The following TNKS2 variants were observed in gnomAD, a reference collection of about 807,000 sequenced individuals.
TNKS2 encodes tankyrase 2, also known as poly [ADP-ribose] polymerase tankyrase-2.
In TNKS2, 72 loss-of-function variants were observed where a neutral mutation model predicts 137.6. That is an observed-to-expected ratio of 0.52 (90% CI 0.43 to 0.64). TNKS2 has a LOEUF of 0.64. Ranked by LOEUF, TNKS2 falls within the 30% of genes least tolerant of loss-of-function variation. The probability of loss-of-function intolerance (pLI) is 0.00; values close to 1 mark genes in which losing one functional copy is unlikely to be tolerated. For synonymous variants in TNKS2, 516 were observed against 512.1 expected (o/e 1.01, Z -0.10); for missense variants, 1,049 against 1,410.2 (o/e 0.74, Z 4.10).
intron 15 of TNKS2, 113 bp from the exon 16 acceptor site, chr10:91,842,059 G>C: frequency 1.7e-6 from 1 of 597,042 alleles, no homozygotes; most frequent in Non-Finnish European, 2.9e-6. Context: ...TCAAAGTAGA[G>C]TCTCAATATA....
In TNKS2 at chr10:91,848,396, G is replaced by C. The variant is rs769171828; in HGVS notation, c.2372G>C (p.Ser791Thr). Residue 791 changes from serine to threonine, a missense_variant, in exon 19 of 27, where the codon AGC becomes ACC. Ser to Thr is a moderately conservative substitution (Grantham distance 58). This residue lies in a region of TNKS2 where 208 missense variants were observed against 231.2 expected (regional missense o/e 0.90). Coordinates refer to ENST00000371627, the MANE Select transcript of TNKS2 (RefSeq NM_025235.4). ...PLDLVSADDV[S>T]ALLTAAMPPS... ...CACGTACCCTAGGCGGATGATGTCA[G>C]CGCTCTTCTGACAGCAGCCATGCCC... 1 of 1,614,172 alleles carries C rather than the reference G, an allele frequency of 6.2e-7. No individual in the cohort carries two copies. Among genetic ancestry groups the C allele is most frequent in the Non-Finnish European group, 8.5e-7 (1 of 1,180,028 alleles).
At chr10:91,815,400 A>G (rs1042847076) in intron 2 of TNKS2, among the ~76,000 whole-genome samples, 40 of 152,294 alleles carry the variant, frequency 2.6e-4, no homozygotes, top group African/African-American at 9.6e-4. Flanking sequence ...CTACATTCAA[A>G]TACATCATTT....
Position 91,833,729 on chromosome 10 carries a change from G to T in TNKS2, c.1276-124G>T, listed in dbSNP as rs553399522. The T allele has an allele frequency of 1.9e-5, 13 of 682,740 alleles. No individual in the cohort carries two copies. In the Admixed American group the frequency reaches 3.4e-4, roughly 18 times the overall value. 42.3% of individuals were successfully genotyped at this position (682,740 alleles called of 1,614,324 possible). On this transcript the variant is annotated intron_variant, in intron 11 of 26. Coordinates refer to ENST00000371627, the MANE Select transcript of TNKS2 (RefSeq NM_025235.4). ...GATTTGAGCAAAAATACTTGCTTTGGCATTGGATAATAGGCCTCATAAAAG... is the reference window on the plus strand; with the variant it reads ...GATTTGAGCAAAAATACTTGCTTTGTCATTGGATAATAGGCCTCATAAAAG...
At chr10:91,809,615 G>A (rs753090082) in intron 1 of TNKS2, among the ~76,000 whole-genome samples, 3 of 150,676 alleles carry the variant, frequency 2.0e-5, no homozygotes, top group Admixed American at 1.3e-4. Context: ...GCAGTGAGCC[G>A]AGATTGCGCC....
chr10:91,825,043 C>G (rs1845022361), intron 7 of TNKS2, among the ~76,000 whole-genome samples: 1 of 152,022 alleles, frequency 6.6e-6, no homozygotes, highest in Non-Finnish European at 1.5e-5. Flanking sequence ...CCAAACCACA[C>G]TGGAATCTGT....
At chr10:91,842,831 G>A (rs181162184) in intron 16 of TNKS2, among the ~76,000 whole-genome samples, 1 of 152,274 alleles carries the variant, frequency 6.6e-6, no homozygotes, top group Admixed American at 6.5e-5. Flanking sequence ...ATACTCTTCA[G>A]TGTATTTGTA....
At chr10:91,836,034 A>ATTTTT (rs777452772) in intron 12 of TNKS2, among the ~76,000 whole-genome samples, 3 of 53,524 alleles carry the variant, frequency 5.6e-5, no homozygotes, top group African/African-American at 2.3e-4. Flanking sequence ...TGTGTGTGTA[A>ATTTTT]TTTTTTTTTT....
intron 11 of TNKS2, among the ~76,000 whole-genome samples, chr10:91,832,346 A>T (rs558917237): frequency 6.6e-6 from 1 of 152,254 alleles, no homozygotes; most frequent in African/African-American, 2.4e-5. Flanking sequence ...GTGACCAACC[A>T]TTCAGTTTTG....
rs891154401 is a variant in TNKS2 at position 91,838,521 on chromosome 10, A to G, written c.1527+1523A>G. On this transcript the variant is annotated intron_variant, in intron 13 of 26. Coordinates refer to ENST00000371627, the MANE Select transcript of TNKS2 (RefSeq NM_025235.4). Reference sequence around the variant, plus strand: ...TTCGACACATGCTATTAGAAAACCTATCTCAGAGTGGACAAAATTAAACTG... The same window carrying G: ...TTCGACACATGCTATTAGAAAACCTGTCTCAGAGTGGACAAAATTAAACTG... Among the ~76,000 whole-genome samples the G allele has an allele frequency of 7.2e-5, 11 of 152,226 alleles. No individual in the cohort carries two copies. In the East Asian group the frequency reaches 1.7e-3, roughly 24 times the overall value.
intron 2 of TNKS2, among the ~76,000 whole-genome samples, chr10:91,814,438 AAG>A (rs1589651202): frequency 6.6e-6 from 1 of 152,232 alleles, no homozygotes; most frequent in Non-Finnish European, 1.5e-5. Context: ...TTATTGAAGA[AAG>A]AAAAATATTT....
At chr10:91,817,030 C>T in intron 2 of TNKS2, 104 bp from the exon 3 acceptor site, 1 of 690,478 alleles carries the variant, frequency 1.4e-6, no homozygotes, top group South Asian at 2.0e-5. Flanking sequence ...GGTCTTTAAA[C>T]AACTTTGAGA....
chr10:91,810,121 G>A (rs1844449603), intron 1 of TNKS2, among the ~76,000 whole-genome samples: 1 of 152,118 alleles, frequency 6.6e-6, no homozygotes, highest in Non-Finnish European at 1.5e-5. Context: ...GGTGGCTTGT[G>A]CCTGTAATCC....
rs148916928 is a variant in TNKS2, at chr10:91,803,266, A to G, written c.199+4377A>G. Among the ~76,000 whole-genome samples the G allele has an allele frequency of 1.8e-3, 273 of 152,242 alleles. 1 individual carries two copies. Among genetic ancestry groups the G allele is most frequent in the African/African-American group, 6.4e-3 (265 of 41,548 alleles). On this transcript the variant is annotated intron_variant, in intron 1 of 26. Transcript: ENST00000371627. ...CAGTGCCACAGGCTATAATCCCAGC[A>G]CTCTGGGAGGCAAAGGCAGGAGTAT...
chr10:91,810,920 C>CTTTTTTTTTTTTGTTTTTTTTTTTTTTTT (rs1844479942), intron 1 of TNKS2, among the ~76,000 whole-genome samples: 1 of 50,124 alleles, frequency 2.0e-5, no homozygotes, highest in Non-Finnish European at 3.2e-5. Context: ...CTTTTCTTTT[C>CTTTTTTTTTTTTGTTTTTTTTTTTTTTTT]TTTTTTTTTT....
chr10:91,849,355 A>G (rs1842474382), intron 19 of TNKS2, among the ~76,000 whole-genome samples, 157 bp from the exon 20 acceptor site: 1 of 152,174 alleles, frequency 6.6e-6, no homozygotes, highest in South Asian at 2.1e-4. Context: ...CTAATGTTGA[A>G]ATTTTGTAGC....
chr10:91,827,503 T>G (rs547826543), intron 8 of TNKS2, among the ~76,000 whole-genome samples: 2 of 152,348 alleles, frequency 1.3e-5, no homozygotes, highest in African/African-American at 2.4e-5. Flanking sequence ...ATCTTTGATA[T>G]GATTTTTCTG....
rs1327155040 is a variant in TNKS2, at chr10:91,837,013, T to TA, written c.1527+16dup. The TA allele has an allele frequency of 3.7e-6, 6 of 1,609,470 alleles. No homozygotes were observed. The African/African-American group carries it at 5.4e-5, about 14-fold the overall frequency. On this transcript the variant is annotated intron_variant, in intron 13 of 26. Coordinates refer to ENST00000371627, the MANE Select transcript of TNKS2 (RefSeq NM_025235.4). ...AAACTGTAAAAGTAAGATACAGTGT[T>TA]ACGTTTCTGTTAACTTTGGGTTTTT...
chr10:91,807,064 C>T (rs1844345128), intron 1 of TNKS2: 8 of 1,322,882 alleles, frequency 6.0e-6, no homozygotes, highest in African/African-American at 1.5e-5. Context: ...AAAATGACCT[C>T]TAAGCTTCTG....
chr10:91,855,698 T>G lies in TNKS2; in HGVS notation c.2988+10T>G. 1.2e-6 allele frequency: 2 copies of G among 1,600,956 alleles called. No homozygotes were observed. The highest frequency in any genetic ancestry group is 1.7e-6 in the Non-Finnish European group (2 of 1,171,246). On this transcript the variant is annotated intron_variant, in intron 23 of 26. Transcript: ENST00000371627. ...ATACAATATTCTCAAGGTAATAAAT[T>G]AGTGAAAGTAAAGTTTTCTGAGACT...
Sources: gnomAD v4.1 joint callset for allele counts (sites outside exome capture counted in the v4.1 genomes callset) on GRCh38, gnomAD v4.1.1 for gene constraint, gnomAD v4.1.1 regional missense constraint, MANE v1.5 for transcripts, NCBI Gene and HGNC (gene_info 2026-07-23, HGNC 2026-07-21) for gene names.